CTNNA3: variants seen among roughly 807,000 people sequenced by gnomAD.
The protein encoded by CTNNA3 is catenin alpha 3, also known as catenin alpha-3.
A neutral mutation model predicts 95.7 loss-of-function variants in CTNNA3; 76 were observed. The ratio of observed to expected loss-of-function variants is 0.79; its 90% confidence interval spans 0.66 to 0.96. CTNNA3 has a LOEUF of 0.96. Among genes scored for constraint, CTNNA3 ranks in the 40% least tolerant of loss-of-function variants. The probability of loss-of-function intolerance (pLI) is 0.00; values close to 1 mark genes in which losing one functional copy is unlikely to be tolerated. For synonymous variants in CTNNA3, 431 were observed against 374.4 expected (o/e 1.15, Z -1.74); for missense variants, 1,191 against 1,089.8 (o/e 1.09, Z -1.31).
chr10:67,474,065 T>C (rs1847922510), intron 5 of CTNNA3, among the ~76,000 whole-genome samples: 1 of 152,190 alleles, frequency 6.6e-6, no homozygotes, highest in Non-Finnish European at 1.5e-5. Flanking sequence ...GTAAACTTCC[T>C]TGGAATATAG....
intron 5 of CTNNA3, among the ~76,000 whole-genome samples, chr10:67,404,759 A>T (rs899597696): frequency 6.6e-6 from 1 of 152,158 alleles, no homozygotes. Flanking sequence ...ACATGTAATC[A>T]TCAGATCCTC....
At chr10:66,548,410 A>G (rs745551130) in intron 10 of CTNNA3, among the ~76,000 whole-genome samples, 8 of 152,076 alleles carry the variant, frequency 5.3e-5, no homozygotes, top group Non-Finnish European at 7.4e-5. Flanking sequence ...ATTATTTCCA[A>G]TTCTTCCTCT....
At chr10:66,159,800 T>A (rs1033884834) in intron 13 of CTNNA3, among the ~76,000 whole-genome samples, 2 of 152,128 alleles carry the variant, frequency 1.3e-5, no homozygotes, top group Admixed American at 6.6e-5. Flanking sequence ...TGAATCTGTC[T>A]AGTCCTGTAT....
intron 5 of CTNNA3, among the ~76,000 whole-genome samples, chr10:67,249,568 G>A (rs913855003): frequency 3.9e-5 from 4 of 102,070 alleles, no homozygotes; most frequent in East Asian, 4.6e-4. Context: ...ACTTTCTACC[G>A]TATGTATTAC....
chr10:66,970,717 C>T (rs1290354712), intron 7 of CTNNA3, among the ~76,000 whole-genome samples: 1 of 151,978 alleles, frequency 6.6e-6, no homozygotes, highest in Non-Finnish European at 1.5e-5. Flanking sequence ...CTTAGAAAGC[C>T]AAAAATCTTT....
rs552563332 is a variant in CTNNA3 at position 66,079,767 on chromosome 10, C to T, written c.1978-10278G>A. Reference sequence around the variant, plus strand: ...TAAATATGCTAATTATAGCTCCTTCCATTGAAAACCAGATGCAACACCTGT... The same window carrying T: ...TAAATATGCTAATTATAGCTCCTTCTATTGAAAACCAGATGCAACACCTGT... On this transcript the variant is annotated intron_variant, in intron 14 of 17. Transcript: ENST00000433211. Among the ~76,000 whole-genome samples, 12 of 152,012 alleles carry T rather than the reference C, an allele frequency of 7.9e-5. No individual in the cohort carries two copies. In the South Asian group the frequency reaches 2.1e-3, roughly 26 times the overall value.
intron 14 of CTNNA3, among the ~76,000 whole-genome samples, chr10:66,074,413 C>T (rs1366366492): frequency 6.6e-6 from 1 of 151,768 alleles, no homozygotes; most frequent in African/African-American, 2.4e-5. Flanking sequence ...TCATCATAAC[C>T]TTTGTTTCTA....
intron 1 of CTNNA3, among the ~76,000 whole-genome samples, chr10:67,677,228 C>G (rs566670808): frequency 3.9e-5 from 6 of 152,154 alleles, no homozygotes; most frequent in Admixed American, 2.6e-4. Context: ...TTTCCAAACA[C>G]TGGAGGAAAA....
chr10:65,922,386 A>G (rs56941002), intron 17 of CTNNA3, among the ~76,000 whole-genome samples: 1 of 152,250 alleles, frequency 6.6e-6, no homozygotes, highest in African/African-American at 2.4e-5. Flanking sequence ...CTAATTTCCA[A>G]GTTGTGTTTC....
chr10:66,277,756 T>A lies in CTNNA3; in HGVS notation c.1884+2714A>T, dbSNP rs1032589129. On this transcript the variant is annotated intron_variant, in intron 13 of 17. Transcript: ENST00000433211. ...TGACCCTCTGGGTATTCCTCCCTGG[T>A]TTCAAGTACAGCAGCTCTGATTTTA... Among the ~76,000 whole-genome samples the A allele has an allele frequency of 1.4e-3, 220 of 152,142 alleles. 1 individual carries two copies. Among genetic ancestry groups the A allele is most frequent in the Non-Finnish European group, 2.0e-3 (135 of 67,978 alleles).
chr10:66,295,420 G>A (rs1470486177), intron 12 of CTNNA3, among the ~76,000 whole-genome samples: 1 of 152,158 alleles, frequency 6.6e-6, no homozygotes, highest in Non-Finnish European at 1.5e-5. Flanking sequence ...TCTACATTCA[G>A]AATGGGACTC....
At chr10:67,581,623 C>CAGA (rs1842402424) in intron 3 of CTNNA3, among the ~76,000 whole-genome samples, 1 of 152,166 alleles carries the variant, frequency 6.6e-6, no homozygotes, top group East Asian at 1.9e-4. Flanking sequence ...GGAATAGTTT[C>CAGA]AGAAGGAATG....
At chr10:67,459,903 A>G (rs1444741152) in intron 5 of CTNNA3, among the ~76,000 whole-genome samples, 2 of 152,168 alleles carry the variant, frequency 1.3e-5, no homozygotes, top group African/African-American at 4.8e-5. Context: ...TCCAAAGTCA[A>G]TCTGATATAT....
At chr10:66,155,044 C>T (rs1010085020) in intron 13 of CTNNA3, among the ~76,000 whole-genome samples, 4 of 151,572 alleles carry the variant, frequency 2.6e-5, no homozygotes, top group Middle Eastern at 3.2e-3. Context: ...ACTTTATTTA[C>T]AAAAATAGGT....
chr10:66,441,460 C>A (rs986326407), intron 11 of CTNNA3, among the ~76,000 whole-genome samples: 4 of 152,108 alleles, frequency 2.6e-5, no homozygotes, highest in African/African-American at 9.7e-5. Flanking sequence ...ATTACATTTT[C>A]AATTTATTTT....
chr10:67,467,563 C>A (rs538449089), intron 5 of CTNNA3, among the ~76,000 whole-genome samples: 21 of 152,132 alleles, frequency 1.4e-4, no homozygotes, highest in South Asian at 8.3e-4. Flanking sequence ...ATTTATTGAA[C>A]AACATATTTT....
At chr10:66,570,566 C>G (rs1235136691) in intron 10 of CTNNA3, among the ~76,000 whole-genome samples, 3 of 151,960 alleles carry the variant, frequency 2.0e-5, no homozygotes, top group East Asian at 3.9e-4. Flanking sequence ...GGATTACAGG[C>G]GTGAGCCACC....
chr10:65,999,746 G>A (rs1241662478), intron 15 of CTNNA3, among the ~76,000 whole-genome samples: 4 of 152,070 alleles, frequency 2.6e-5, no homozygotes, highest in East Asian at 1.9e-4. Context: ...ATATTCAAAC[G>A]TTGTTTGCTG....
intron 7 of CTNNA3, among the ~76,000 whole-genome samples, chr10:67,139,506 G>A (rs1300764954): frequency 1.3e-5 from 2 of 151,026 alleles, no homozygotes; most frequent in Admixed American, 6.6e-5. Flanking sequence ...TCCCCTTCCC[G>A]GATTCAAGCA....
Sources: allele counts gnomAD v4.1 joint callset (sites outside exome capture counted in the v4.1 genomes callset), GRCh38; gene constraint gnomAD v4.1.1; transcripts MANE v1.5; gene names NCBI Gene and HGNC (gene_info 2026-07-23, HGNC 2026-07-21).